Variants in SV2C observed in about 807,000 individuals in gnomAD.
The protein encoded by SV2C is solute carrier family 22 member B3.
A neutral mutation model predicts 79.7 loss-of-function variants in SV2C; 49 were observed. The observed-to-expected ratio is 0.61, with a 90% CI of 0.49 to 0.78. The LOEUF is 0.78. SV2C is among the 30% of genes least tolerant of loss of function. SV2C has a pLI of 0.00. For synonymous variants in SV2C, 334 were observed against 333.2 expected (o/e 1.00, Z -0.03); for missense variants, 833 against 912.9 (o/e 0.91, Z 1.13).
chr5:76,339,899 G>A (rs1452869758), intron 12 of SV2C, among the ~76,000 whole-genome samples: 1 of 152,068 alleles, frequency 6.6e-6, no homozygotes, highest in Non-Finnish European at 1.5e-5. Context: ...CTATTGGGCT[G>A]CATTCCCAGG....
the SV2C span, among the ~76,000 whole-genome samples, chr5:76,034,875 G>C: frequency 6.6e-6 from 1 of 152,116 alleles, no homozygotes; most frequent in Admixed American, 6.5e-5. Context: ...AATCCATCTG[G>C]TCCTGGACTG....
chr5:76,146,734 C>A (rs1485674719), intron 2 of SV2C, among the ~76,000 whole-genome samples: 5 of 134,692 alleles, frequency 3.7e-5, no homozygotes, highest in African/African-American at 1.4e-4. Context: ...TCAAATGTCT[C>A]TGACATGGGG....
At chr5:75,885,522 A>C in the SV2C span, among the ~76,000 whole-genome samples, 1 of 152,118 alleles carries the variant, frequency 6.6e-6, no homozygotes, top group Non-Finnish European at 1.5e-5. Flanking sequence ...GGGATATGAG[A>C]AGCAAGAAAA....
intron 12 of SV2C, among the ~76,000 whole-genome samples, chr5:76,322,279 A>G (rs968964595): frequency 6.6e-6 from 1 of 152,228 alleles, no homozygotes; most frequent in Non-Finnish European, 1.5e-5. Context: ...GTGAACTCCC[A>G]TTCACAATTG....
intron 1 of SV2C, among the ~76,000 whole-genome samples, chr5:76,119,901 A>G (rs1478025737): frequency 6.6e-6 from 1 of 152,178 alleles, no homozygotes. Context: ...GGTAATATCT[A>G]TTGATATTTA....
chr5:76,221,638 A>G (rs1012971221), intron 4 of SV2C, among the ~76,000 whole-genome samples: 1 of 152,086 alleles, frequency 6.6e-6, no homozygotes, highest in Non-Finnish European at 1.5e-5. Context: ...TGGCCTTTCT[A>G]TTTGGTTTCA....
chr5:75,982,776 T>C, the SV2C span, among the ~76,000 whole-genome samples: 3 of 152,192 alleles, frequency 2.0e-5, no homozygotes, highest in Non-Finnish European at 4.4e-5. Flanking sequence ...TGGAATACTA[T>C]GCAGTCATAA....
chr5:75,895,266 TAAGA>T, the SV2C span, among the ~76,000 whole-genome samples: 1 of 152,042 alleles, frequency 6.6e-6, no homozygotes, highest in African/African-American at 2.4e-5. Flanking sequence ...TTGAAATAAA[TAAGA>T]AAGTATGGCT....
chr5:76,233,830 C>G (rs7718698), intron 4 of SV2C, among the ~76,000 whole-genome samples: 12,772 of 144,396 alleles, frequency 0.088, 1,909 homozygotes, highest in African/African-American at 0.32. Flanking sequence ...TGTGCTGTTG[C>G]ATTCGTTTTG....
At chr5:76,006,226 A>G in the SV2C span, among the ~76,000 whole-genome samples, 1 of 152,280 alleles carries the variant, frequency 6.6e-6, no homozygotes, top group African/African-American at 2.4e-5. Context: ...ACTCTGACCC[A>G]GTGCCAGCTT....
chr5:76,244,201 C>T (rs770266216), intron 4 of SV2C, among the ~76,000 whole-genome samples: 93 of 152,320 alleles, frequency 6.1e-4, no homozygotes, highest in Non-Finnish European at 8.7e-4. Flanking sequence ...GAACCAAACA[C>T]GGTAAGCTCT....
At chr5:75,902,440 G>A in the SV2C span, among the ~76,000 whole-genome samples, 1 of 152,214 alleles carries the variant, frequency 6.6e-6, no homozygotes, top group Non-Finnish European at 1.5e-5. Context: ...AGAACAAGGA[G>A]TCTGGATTAG....
intron 4 of SV2C, among the ~76,000 whole-genome samples, chr5:76,232,506 C>G (rs1745456116): frequency 1.3e-5 from 2 of 148,540 alleles, no homozygotes; most frequent in African/African-American, 5.1e-5. Context: ...GACATGAAGT[C>G]CTTGCCCATG....
chr5:75,967,947 C>A, the SV2C span, among the ~76,000 whole-genome samples: 2 of 152,236 alleles, frequency 1.3e-5, no homozygotes, highest in South Asian at 4.2e-4. Context: ...AGACCTCACA[C>A]GGCCAGGTAC....
chr5:76,306,611 G>A (rs1748202197), intron 12 of SV2C, among the ~76,000 whole-genome samples: 1 of 152,102 alleles, frequency 6.6e-6, no homozygotes, highest in African/African-American at 2.4e-5. Context: ...GAAACCATCA[G>A]GGAGAAGGTT....
the SV2C span, among the ~76,000 whole-genome samples, chr5:75,996,621 G>A: frequency 6.6e-6 from 1 of 152,068 alleles, no homozygotes; most frequent in Non-Finnish European, 1.5e-5. Context: ...CATGAGCATG[G>A]AATGTTCTTC....
At chr5:76,098,684 C>A (rs1292685187) in intron 1 of SV2C, among the ~76,000 whole-genome samples, 1 of 152,084 alleles carries the variant, frequency 6.6e-6, no homozygotes, top group Non-Finnish European at 1.5e-5. Context: ...GCAAAATGAA[C>A]AAACAAAACA....
intron 4 of SV2C, among the ~76,000 whole-genome samples, chr5:76,251,978 G>T (rs917841572): frequency 2.2e-4 from 33 of 152,190 alleles, no homozygotes; most frequent in African/African-American, 7.7e-4. Context: ...CAAGCCCAAA[G>T]ATTATTGTTA....
downstream of SV2C, among the ~76,000 whole-genome samples, chr5:76,337,537 A>G (rs554081375): frequency 6.6e-5 from 10 of 152,290 alleles, no homozygotes; most frequent in East Asian, 1.7e-3. Context: ...TGTATACTGT[A>G]TACTGTGTAT....
Sources: gnomAD v4.1 joint callset for allele counts (sites outside exome capture counted in the v4.1 genomes callset) on GRCh38, gnomAD v4.1.1 for gene constraint, MANE v1.5 for transcripts, NCBI Gene and HGNC (gene_info 2026-07-23, HGNC 2026-07-21) for gene names.